Variants in STRBP observed in about 807,000 individuals in gnomAD.
The protein encoded by STRBP is spermatid perinuclear RNA binding protein, also known as spermatid perinuclear RNA-binding protein.
A neutral mutation model predicts 80.1 loss-of-function variants in STRBP; 13 were observed. That is an observed-to-expected ratio of 0.16 (90% confidence interval 0.11 to 0.26). STRBP has a LOEUF of 0.26. Ranked by LOEUF, STRBP falls within the 10% of genes least tolerant of loss-of-function variation. The pLI, the probability that STRBP is intolerant of heterozygous loss-of-function variation, is 1.00. For synonymous variants in STRBP, 284 were observed against 291.2 expected (o/e 0.98, Z 0.25); for missense variants, 485 against 815.2 (o/e 0.59, Z 4.93).
chr9:123,264,097 T>C (rs2041218318), intron 1 of STRBP, among the ~76,000 whole-genome samples: 1 of 152,198 alleles, frequency 6.6e-6, no homozygotes, highest in African/African-American at 2.4e-5. Flanking sequence ...GAGAATCACT[T>C]GAACCCGGGA....
intron 3 of STRBP, among the ~76,000 whole-genome samples, chr9:123,181,833 AAAAG>A: frequency 8.2e-6 from 1 of 121,508 alleles, no homozygotes; most frequent in African/African-American, 3.0e-5. Context: ...AAAAAAAAAA[AAAAG>A]AAACAGTAAC....
At chr9:123,210,294 T>A (rs1467897383) in intron 2 of STRBP, among the ~76,000 whole-genome samples, 2 of 152,010 alleles carry the variant, frequency 1.3e-5, no homozygotes, top group Non-Finnish European at 2.9e-5. Flanking sequence ...CAAGAACTTT[T>A]GGTCATCAAA....
At chr9:123,245,973 G>A (rs1224395809) in intron 1 of STRBP, among the ~76,000 whole-genome samples, 6 of 152,132 alleles carry the variant, frequency 3.9e-5, no homozygotes, top group African/African-American at 1.4e-4. Flanking sequence ...TTTAAATAAC[G>A]TTCCTACTCG....
intron 2 of STRBP, among the ~76,000 whole-genome samples, chr9:123,188,317 CA>C (rs2038783549): frequency 6.6e-6 from 1 of 152,172 alleles, no homozygotes; most frequent in East Asian, 1.9e-4. Flanking sequence ...AATAAATTCC[CA>C]AAAACTTATT....
At chr9:123,117,107 A>G (rs547541946), downstream of STRBP, among the ~76,000 whole-genome samples, 2 of 152,284 alleles carry the variant, frequency 1.3e-5, no homozygotes, top group Non-Finnish European at 2.9e-5. Flanking sequence ...CCAGTACAGC[A>G]AGTCATGAAA....
intron 2 of STRBP, among the ~76,000 whole-genome samples, chr9:123,185,003 T>A (rs1039730318): frequency 1.3e-5 from 2 of 152,114 alleles, no homozygotes; most frequent in Non-Finnish European, 2.9e-5. Flanking sequence ...TCCACCTTTA[T>A]GAGATTTTAT....
intron 1 of STRBP, among the ~76,000 whole-genome samples, chr9:123,267,790 A>C (rs2041304982): frequency 7.8e-6 from 1 of 128,168 alleles, no homozygotes. Context: ...TCGAGTCCCC[A>C]GTCTTCTCCC....
chr9:123,262,359 A>C (rs1353524241), intron 1 of STRBP, among the ~76,000 whole-genome samples: 1 of 152,360 alleles, frequency 6.6e-6, no homozygotes, highest in East Asian at 1.9e-4. Context: ...TATTGGTTAA[A>C]TTAAAATCAT....
intron 1 of STRBP, among the ~76,000 whole-genome samples, chr9:123,244,943 C>A (rs117925603): frequency 6.6e-6 from 1 of 152,166 alleles, no homozygotes; most frequent in Non-Finnish European, 1.5e-5. Context: ...TGATACTTCC[C>A]TACCTACCAT....
intron 4 of STRBP, among the ~76,000 whole-genome samples, chr9:123,175,791 C>T (rs1193986092): frequency 6.6e-6 from 1 of 152,208 alleles, no homozygotes; most frequent in Non-Finnish European, 1.5e-5. Context: ...CTCCTCCTTA[C>T]TGGCCTTTCT....
At chr9:123,179,839 C>G (rs932739202) in intron 3 of STRBP, among the ~76,000 whole-genome samples, 1 of 152,198 alleles carries the variant, frequency 6.6e-6, no homozygotes, top group Admixed American at 6.5e-5. Flanking sequence ...ACATCATCTG[C>G]AAGAATTAGA....
At chr9:123,215,310 GCCT>G (rs142810224) in intron 2 of STRBP, among the ~76,000 whole-genome samples, 47,447 of 151,668 alleles carry the variant, frequency 0.31, 10,673 homozygotes, top group East Asian at 0.69. Flanking sequence ...TCCAGCCTCA[GCCT>G]CCCAAAGCTC....
At chr9:123,253,411 T>C (rs1047993051) in intron 1 of STRBP, among the ~76,000 whole-genome samples, 5 of 152,238 alleles carry the variant, frequency 3.3e-5, no homozygotes, top group Admixed American at 6.5e-5. Context: ...CCTTACACAC[T>C]GTACTGCTAA....
At chr9:123,262,489 C>G (rs754753357) in intron 1 of STRBP, among the ~76,000 whole-genome samples, 1 of 152,156 alleles carries the variant, frequency 6.6e-6, no homozygotes, top group Non-Finnish European at 1.5e-5. Flanking sequence ...CCCAGAAATG[C>G]CTCAGAATTT....
intron 17 of STRBP, among the ~76,000 whole-genome samples, chr9:123,131,010 C>T (rs116530981): frequency 2.6e-3 from 391 of 152,022 alleles, no homozygotes; most frequent in African/African-American, 8.2e-3. Flanking sequence ...TTCCGGGGTT[C>T]GTGTGATAAT....
At position 123,111,511 on chromosome 9, in the gene STRBP, G is replaced by A. The variant is rs1045522026; in HGVS notation, c.*85-1758C>T. 1.6e-5 allele frequency: 6 copies of A among 385,948 alleles called. No individual in the cohort carries two copies. The East Asian group carries it at 3.0e-4, about 19-fold the overall frequency. 23.9% of individuals were successfully genotyped at this position (385,948 alleles called of 1,614,324 possible). ...ATCTTGGTTCCCTAAGCAGGAAAAC[G>A]GGACAGATGGCAAAGCACCTGTGCC... On this transcript the variant is annotated intron_variant and NMD_transcript_variant, in intron 3 of 3. Coordinates refer to the STRBP transcript ENST00000471564.
Position 123,126,055 on chromosome 9 carries a change from G to A in STRBP, c.1943-382C>T, listed in dbSNP as rs1285155131. ...GAGAAACGGGTTGTCAAGGTTCAAAGCATAGCTTTCCATGCAGACCTCAGC... is the reference window on the plus strand; with the variant it reads ...GAGAAACGGGTTGTCAAGGTTCAAAACATAGCTTTCCATGCAGACCTCAGC... On this transcript the variant is annotated intron_variant, in intron 18 of 18. Coordinates refer to ENST00000348403, the MANE Select transcript of STRBP (RefSeq NM_018387.5). The surrounding 1 kb of genome is among the most constrained non-coding windows in gnomAD (Gnocchi z 4.4). Among the ~76,000 whole-genome samples, 1 of 152,224 alleles carries A rather than the reference G, an allele frequency of 6.6e-6. No homozygotes were observed. The highest frequency in any genetic ancestry group is 2.4e-5 in the African/African-American group (1 of 41,466).
At chr9:123,229,874 T>C (rs928582210) in intron 2 of STRBP, among the ~76,000 whole-genome samples, 2 of 152,134 alleles carry the variant, frequency 1.3e-5, no homozygotes, top group African/African-American at 2.4e-5. Context: ...AAGGACCCAT[T>C]TGAGGTTCAA....
At chr9:123,140,837 T>C (rs555332428) in intron 13 of STRBP, among the ~76,000 whole-genome samples, 99 of 152,318 alleles carry the variant, frequency 6.5e-4, no homozygotes, top group African/African-American at 2.4e-3. Flanking sequence ...GTGTGCATGA[T>C]TGTGCACAGG....
Sources: gnomAD v4.1 joint callset for allele counts (sites outside exome capture counted in the v4.1 genomes callset) on GRCh38, gnomAD v4.1.1 for gene constraint, Gnocchi (gnomAD v3.1) non-coding constraint, MANE v1.5 for transcripts, NCBI Gene and HGNC (gene_info 2026-07-23, HGNC 2026-07-21) for gene names.